The following FBXL13 variants were observed in gnomAD, a reference collection of about 807,000 sequenced individuals.
FBXL13 encodes F-box and leucine rich repeat protein 13, also known as F-box and leucine-rich repeat protein 13.
Under a neutral mutation model 83.6 loss-of-function variants are expected in FBXL13, and 67 were observed. The ratio of observed to expected loss-of-function variants is 0.80; its 90% confidence interval spans 0.66 to 0.98. The LOEUF is 0.98. FBXL13 is among the 50% of genes least tolerant of loss of function. The pLI is 0.00. For synonymous variants in FBXL13, 272 were observed against 299.5 expected, an observed-to-expected ratio of 0.91 and a Z score of 0.95; for missense variants, 822 against 866.5, an observed-to-expected ratio of 0.95 and a Z score of 0.64.
intron 2 of FBXL13, 68 bp downstream of exon 2, chr7:103,055,576 T>G (rs1453570422): frequency 6.4e-6 from 4 of 627,128 alleles, no homozygotes; most frequent in Admixed American, 6.7e-5. Context: ...CCTTATTTTG[T>G]TACTATGCAA....
At chr7:102,998,818 C>T (rs962277949) in intron 6 of FBXL13, among the ~76,000 whole-genome samples, 1 of 151,512 alleles carries the variant, frequency 6.6e-6, no homozygotes, top group South Asian at 2.1e-4. Flanking sequence ...AAAATAATAA[C>T]AATAATAATA....
At chr7:102,940,012 A>T (rs1440136283) in intron 8 of FBXL13, among the ~76,000 whole-genome samples, 1 of 151,782 alleles carries the variant, frequency 6.6e-6, no homozygotes, top group Non-Finnish European at 1.5e-5. Flanking sequence ...CTCCTGCCTC[A>T]GCCTCCCAAG....
intron 6 of FBXL13, among the ~76,000 whole-genome samples, chr7:102,985,312 G>T (rs1020655550): frequency 1.3e-5 from 2 of 152,186 alleles, no homozygotes; most frequent in Non-Finnish European, 2.9e-5. Context: ...GTGACAGTCT[G>T]CACTTCACAC....
chr7:102,869,133 C>T (rs1808172462), intron 16 of FBXL13, among the ~76,000 whole-genome samples: 1 of 152,192 alleles, frequency 6.6e-6, no homozygotes, highest in African/African-American at 2.4e-5. Context: ...CACATCCTCG[C>T]CTGCATTTGT....
At chr7:102,822,614 G>A (rs1798953952) in intron 18 of FBXL13, among the ~76,000 whole-genome samples, 3 of 152,154 alleles carry the variant, frequency 2.0e-5, no homozygotes, top group Admixed American at 6.5e-5. Context: ...AATTTTTGGA[G>A]GACAAACATT....
intron 17 of FBXL13, among the ~76,000 whole-genome samples, chr7:102,849,904 A>G (rs979481991): frequency 3.9e-5 from 6 of 152,066 alleles, no homozygotes; most frequent in Non-Finnish European, 8.8e-5. Flanking sequence ...GAGGGGAGGG[A>G]ACTCAGAGTA....
intron 18 of FBXL13, 157 bp from the exon 20 acceptor site, chr7:102,822,360 G>A (rs1325304114): frequency 1.3e-6 from 1 of 769,212 alleles, no homozygotes; most frequent in East Asian, 2.7e-5. Flanking sequence ...GGAAGTCCAA[G>A]ACTGAGATAA....
intron 16 of FBXL13, chr7:102,857,675 A>G (rs1473706836): frequency 6.6e-6 from 1 of 152,128 alleles, no homozygotes; most frequent in Non-Finnish European, 1.5e-5. Context: ...TGAACCTCCA[A>G]ACCTCTCAGG....
At chr7:102,943,622 C>G (rs55849741) in intron 8 of FBXL13, among the ~76,000 whole-genome samples, 23,550 of 152,162 alleles carry the variant, frequency 0.15, 1,863 homozygotes, top group Middle Eastern at 0.21. Flanking sequence ...TGCAAAGACT[C>G]TCGCCACTAT....
At chr7:102,974,418 C>G (rs963106479) in intron 6 of FBXL13, among the ~76,000 whole-genome samples, 2 of 152,064 alleles carry the variant, frequency 1.3e-5, no homozygotes, top group African/African-American at 4.8e-5. Context: ...ACCTGCAAAC[C>G]TTAGGCCTCA....
intron 11 of FBXL13, among the ~76,000 whole-genome samples, chr7:102,912,543 C>A (rs970425025): frequency 5.3e-5 from 8 of 152,142 alleles, no homozygotes; most frequent in Non-Finnish European, 1.2e-4. Flanking sequence ...CCTGTTCCCT[C>A]AAACTTAAAA....
At chr7:102,837,230 G>A (rs954791544) in intron 17 of FBXL13, among the ~76,000 whole-genome samples, 1 of 152,170 alleles carries the variant, frequency 6.6e-6, no homozygotes, top group African/African-American at 2.4e-5. Flanking sequence ...ACTAAACTCT[G>A]CAGAGCCTGA....
intron 11 of FBXL13, among the ~76,000 whole-genome samples, chr7:102,893,759 C>CAT (rs1406356235): frequency 7.9e-6 from 1 of 126,296 alleles, no homozygotes; most frequent in Non-Finnish European, 1.6e-5. Context: ...CAGAGCAAGA[C>CAT]TCTGTCTCAA....
chr7:103,038,272 G>A (rs983599643), intron 2 of FBXL13, among the ~76,000 whole-genome samples: 1 of 152,232 alleles, frequency 6.6e-6, no homozygotes, highest in African/African-American at 2.4e-5. Context: ...CCATTGCTGA[G>A]GCTTGAGTAG....
At chr7:103,012,113 C>T (rs141971987) in intron 6 of FBXL13, among the ~76,000 whole-genome samples, 1,689 of 152,206 alleles carry the variant, frequency 0.011, 35 homozygotes, top group African/African-American at 0.039. Context: ...CAGTGGCTCA[C>T]GCCTGTAATC....
chr7:103,041,377 A>G (rs1795675409), intron 2 of FBXL13, among the ~76,000 whole-genome samples: 3 of 152,160 alleles, frequency 2.0e-5, no homozygotes, highest in Admixed American at 2.0e-4. Flanking sequence ...ATTCACAGCC[A>G]AATTCCACCA....
chr7:102,946,737 C>T (rs914542649), intron 8 of FBXL13, among the ~76,000 whole-genome samples: 3 of 151,870 alleles, frequency 2.0e-5, no homozygotes, highest in Non-Finnish European at 2.9e-5. Flanking sequence ...TGCAGTGTTG[C>T]AATCTCGGCT....
chr7:102,935,066 C>T (rs1820018984), intron 8 of FBXL13, among the ~76,000 whole-genome samples: 1 of 152,036 alleles, frequency 6.6e-6, no homozygotes, highest in South Asian at 2.1e-4. Context: ...CCGATTAAAG[C>T]CAAAACATGG....
At chr7:102,882,497 C>A (rs1204780631) in intron 14 of FBXL13, among the ~76,000 whole-genome samples, 1 of 151,712 alleles carries the variant, frequency 6.6e-6, no homozygotes, top group African/African-American at 2.4e-5. Flanking sequence ...TGCAGAGGCT[C>A]ACACTTGTAT....
Sources: gnomAD v4.1 joint callset for allele counts (sites outside exome capture counted in the v4.1 genomes callset) on GRCh38, gnomAD v4.1.1 for gene constraint, MANE v1.5 for transcripts, NCBI Gene and HGNC (gene_info 2026-07-23, HGNC 2026-07-21) for gene names.